Variants in GPC6 observed in about 807,000 individuals in gnomAD.
GPC6 encodes glypican 6.
A neutral mutation model predicts 55.2 loss-of-function variants in GPC6; 14 were observed. The observed-to-expected ratio is 0.25, with a 90% CI of 0.17 to 0.40. The LOEUF (loss-of-function observed/expected upper bound fraction) is 0.40, where lower values mean the gene tolerates loss of function less well. GPC6 is among the 10% of genes least tolerant of loss of function. The probability of loss-of-function intolerance (pLI) is 1.00; values close to 1 mark genes in which losing one functional copy is unlikely to be tolerated. For synonymous variants in GPC6, 278 were observed against 259.6 expected (o/e 1.07, Z -0.68); for missense variants, 641 against 708.5 (o/e 0.90, Z 1.08).
intron 4 of GPC6, among the ~76,000 whole-genome samples, chr13:94,175,620 C>T (rs1888720011): frequency 6.6e-6 from 1 of 151,918 alleles, no homozygotes; most frequent in Non-Finnish European, 1.5e-5. Flanking sequence ...ATACTCCCAG[C>T]AATGGAGTAT....
chr13:93,227,695 C>A lies in GPC6; in HGVS notation c.160+79C>A. ...CCACTGGCCGCCCGGCGTCCCCTTC[C>A]TTCCCCCTGTTGCTGAGTTGGTGCT... On this transcript the variant is annotated intron_variant, in intron 1 of 8. Transcript: ENST00000377047. The surrounding 1 kb of genome is among the most constrained non-coding windows in gnomAD (Gnocchi z 4.3). 1 of 1,175,406 alleles carries A rather than the reference C, an allele frequency of 8.5e-7. No individual in the cohort carries two copies. The highest frequency in any genetic ancestry group is 1.2e-6 in the Non-Finnish European group (1 of 828,382). The allele number at this position is 1,175,406 out of a possible 1,614,324, so 72.8% of individuals were successfully genotyped here. A position where few individuals can be genotyped will look rare whatever the true frequency, so the allele number is the denominator to read the frequency against.
intron 1 of GPC6, among the ~76,000 whole-genome samples, chr13:93,488,338 A>G (rs974410897): frequency 6.6e-6 from 1 of 152,200 alleles, no homozygotes; most frequent in African/African-American, 2.4e-5. Context: ...CATGGTGTAC[A>G]TGTGCCACAT....
At chr13:93,418,538 G>A (rs1260752020) in intron 1 of GPC6, among the ~76,000 whole-genome samples, 2 of 150,986 alleles carry the variant, frequency 1.3e-5, no homozygotes, top group Non-Finnish European at 3.0e-5. Context: ...TTTATTAATA[G>A]CACTGTACTG....
intron 1 of GPC6, among the ~76,000 whole-genome samples, chr13:93,416,661 TG>T (rs1876708607): frequency 6.6e-6 from 1 of 152,066 alleles, no homozygotes; most frequent in Non-Finnish European, 1.5e-5. Flanking sequence ...ACTATTTTTT[TG>T]GAACCCATTA....
intron 2 of GPC6, among the ~76,000 whole-genome samples, chr13:93,726,718 A>C (rs1028294214): frequency 2.0e-5 from 3 of 151,994 alleles, no homozygotes; most frequent in African/African-American, 7.2e-5. Context: ...TAGCTAAGTA[A>C]TTTCTTTTTT....
At chr13:94,105,912 A>G (rs904609372) in intron 4 of GPC6, among the ~76,000 whole-genome samples, 4 of 151,976 alleles carry the variant, frequency 2.6e-5, no homozygotes, top group Admixed American at 2.6e-4. Context: ...TACATTGAAA[A>G]GGGTAGCTCC....
intron 3 of GPC6, among the ~76,000 whole-genome samples, chr13:93,974,757 T>C (rs900500190): frequency 6.6e-5 from 10 of 152,174 alleles, no homozygotes; most frequent in Non-Finnish European, 1.2e-4. Context: ...TCCATTTCCT[T>C]ATTTTTTTTT....
chr13:93,392,822 G>C (rs893982899), intron 1 of GPC6, among the ~76,000 whole-genome samples: 1 of 152,058 alleles, frequency 6.6e-6, no homozygotes, highest in Non-Finnish European at 1.5e-5. Flanking sequence ...CCATAACACA[G>C]GGAAGACACC....
intron 4 of GPC6, among the ~76,000 whole-genome samples, chr13:94,055,411 G>C (rs192799731): frequency 1.2e-3 from 184 of 152,172 alleles, no homozygotes; most frequent in African/African-American, 4.2e-3. Flanking sequence ...GATTTGCTTA[G>C]AGCAAATCAC....
intron 2 of GPC6, among the ~76,000 whole-genome samples, chr13:93,579,202 A>C (rs191382166): frequency 6.6e-6 from 1 of 152,118 alleles, no homozygotes. Context: ...ACTATTATTA[A>C]TACTACTCTA....
chr13:93,226,036 C>G (rs72633945), upstream of GPC6, among the ~76,000 whole-genome samples: 14,549 of 152,158 alleles, frequency 0.096, 1,020 homozygotes, highest in Non-Finnish European at 0.14. Flanking sequence ...ACTTTTATCC[C>G]GTTCACAGAA....
At chr13:94,037,267 A>G (rs1049923823) in intron 4 of GPC6, among the ~76,000 whole-genome samples, 5 of 151,930 alleles carry the variant, frequency 3.3e-5, no homozygotes, top group African/African-American at 1.2e-4. Flanking sequence ...TGAATTTAAA[A>G]TGTTCGGCAA....
At chr13:93,655,684 GA>G (rs1566471510) in intron 2 of GPC6, among the ~76,000 whole-genome samples, 1 of 152,116 alleles carries the variant, frequency 6.6e-6, no homozygotes, top group Non-Finnish European at 1.5e-5. Context: ...GGGGAGTGTG[GA>G]AAAGTACAAT....
intron 2 of GPC6, among the ~76,000 whole-genome samples, chr13:93,626,145 C>G (rs1879191882): frequency 2.0e-5 from 3 of 152,182 alleles, no homozygotes; most frequent in Admixed American, 2.0e-4. Context: ...GAATAGCATC[C>G]TGTAAGGAAA....
intron 1 of GPC6, among the ~76,000 whole-genome samples, chr13:93,426,557 G>C (rs1358345938): frequency 6.6e-6 from 1 of 151,970 alleles, no homozygotes; most frequent in Non-Finnish European, 1.5e-5. Flanking sequence ...TCCCCACAAA[G>C]GACATGAACT....
chr13:94,320,535 C>A (rs1876765163), intron 6 of GPC6, among the ~76,000 whole-genome samples: 1 of 151,976 alleles, frequency 6.6e-6, no homozygotes, highest in Admixed American at 6.6e-5. Context: ...TTCATCTTAT[C>A]CTAAGGATTT....
At chr13:94,235,533 A>G (rs369044285) in intron 4 of GPC6, among the ~76,000 whole-genome samples, 1 of 152,252 alleles carries the variant, frequency 6.6e-6, no homozygotes, top group South Asian at 2.1e-4. Context: ...AATGAGAAAC[A>G]CTAATTTCTA....
chr13:93,864,685 T>G (rs1368795754), intron 3 of GPC6, among the ~76,000 whole-genome samples: 1 of 151,728 alleles, frequency 6.6e-6, no homozygotes, highest in Non-Finnish European at 1.5e-5. Context: ...GCTACTGTCT[T>G]TATAGTATCA....
Position 93,527,930 on chromosome 13 carries a change from C to T in GPC6, c.161-17333C>T, listed in dbSNP as rs541994678. ...CCATAGATCTTGTGACATTTCTAGC[C>T]ACTTTGCCTTTCATCGTTTTACTCT... On this transcript the variant is annotated intron_variant, in intron 1 of 8. Transcript: ENST00000377047. 3.2e-4 allele frequency among the ~76,000 whole-genome samples: 48 copies of T among 152,174 alleles called. 1 individual carries two copies. The South Asian group carries it at 9.3e-3, about 30-fold the overall frequency.
Sources: gnomAD v4.1 joint callset for allele counts (sites outside exome capture counted in the v4.1 genomes callset) on GRCh38, gnomAD v4.1.1 for gene constraint, Gnocchi (gnomAD v3.1) non-coding constraint, MANE v1.5 for transcripts, NCBI Gene and HGNC (gene_info 2026-07-23, HGNC 2026-07-21) for gene names.